Variants in ZDHHC11 observed in about 807,000 individuals in gnomAD.
The protein encoded by ZDHHC11 is zDHHC palmitoyltransferase 11.
A neutral mutation model predicts 51.3 loss-of-function variants in ZDHHC11; 44 were observed. The ratio of observed to expected loss-of-function variants is 0.86; its 90% CI spans 0.67 to 1.10. The LOEUF (loss-of-function observed/expected upper bound fraction) is 1.10, where lower values mean the gene tolerates loss of function less well. ZDHHC11 is among the 50% of genes least tolerant of loss of function. The pLI is 0.00. For synonymous variants in ZDHHC11, 163 were observed against 222.0 expected, an observed-to-expected ratio of 0.73 and a Z score of 2.36; for missense variants, 400 against 537.7, an observed-to-expected ratio of 0.74 and a Z score of 2.53.
At chr5:835,838 A>C (rs1006925428) in intron 6 of ZDHHC11, among the ~76,000 whole-genome samples, 4 of 151,794 alleles carry the variant, frequency 2.6e-5, no homozygotes, top group Non-Finnish European at 5.9e-5. Flanking sequence ...TTCTTTTTTT[A>C]TTAGACTATG....
intron 3 of ZDHHC11, among the ~76,000 whole-genome samples, chr5:844,404 C>T (rs1468499505): frequency 6.6e-6 from 1 of 152,304 alleles, no homozygotes; most frequent in Non-Finnish European, 1.5e-5. Context: ...GCGACTCGCC[C>T]AAGCCTACCA....
intron 1 of ZDHHC11, among the ~76,000 whole-genome samples, chr5:858,354 T>C (rs10071313): frequency 0.081 from 9,194 of 113,174 alleles, 342 homozygotes; most frequent in Admixed American, 0.15. Flanking sequence ...CTGGTCCCCA[T>C]CCTGTCTTTA....
intron 4 of ZDHHC11, chr5:840,940 G>C: frequency 7.2e-7 from 1 of 1,383,226 alleles, no homozygotes; most frequent in Non-Finnish European, 9.4e-7. Flanking sequence ...TGGGGTCACA[G>C]CGCCCACCCC....
intron 7 of ZDHHC11, among the ~76,000 whole-genome samples, chr5:828,446 G>A (rs1204152583): frequency 1.3e-4 from 20 of 150,666 alleles, no homozygotes; most frequent in African/African-American, 4.4e-4. Flanking sequence ...GCGGCCGGCC[G>A]GGTGGGGGCT....
chr5:815,657 C>T (rs942688467), intron 10 of ZDHHC11, among the ~76,000 whole-genome samples: 2 of 150,858 alleles, frequency 1.3e-5, no homozygotes, highest in East Asian at 1.9e-4. Flanking sequence ...TCATAAGTAC[C>T]TACTCAGCAT....
rs1251004316 is a variant in ZDHHC11 at position 796,420 on chromosome 5, T to C, written c.*168A>G. ...GCTGGGCTCTGAGGGTCCTGGTTCCTTCGAAGGACATCCAGGGGCCTCTGA... is the reference window on the plus strand; with the variant it reads ...GCTGGGCTCTGAGGGTCCTGGTTCCCTCGAAGGACATCCAGGGGCCTCTGA... On this transcript the variant is annotated 3_prime_UTR_variant, in exon 13 of 13. Coordinates refer to ENST00000283441, the MANE Select transcript of ZDHHC11 (RefSeq NM_024786.3). 6.7e-6 allele frequency: 1 copy of C among 149,546 alleles called. No homozygotes were observed. The highest frequency in any genetic ancestry group is 1.5e-5 in the Non-Finnish European group (1 of 67,126). 9.3% of individuals were successfully genotyped at this position (149,546 alleles called of 1,614,324 possible).
At chr5:855,221 G>GGC (rs1748008032), upstream of ZDHHC11, among the ~76,000 whole-genome samples, 1 of 146,856 alleles carries the variant, frequency 6.8e-6, no homozygotes, top group African/African-American at 2.6e-5. Flanking sequence ...GAGCAGCGGG[G>GGC]ACAGACCCCA....
chr5:828,275 G>A (rs1358011532), intron 7 of ZDHHC11, among the ~76,000 whole-genome samples: 1 of 151,306 alleles, frequency 6.6e-6, no homozygotes, highest in Non-Finnish European at 1.5e-5. Flanking sequence ...CGGGGTGGTG[G>A]CCGGGCAGAG....
intron 1 of ZDHHC11, among the ~76,000 whole-genome samples, chr5:849,274 G>A (rs150195889): frequency 0.012 from 1,780 of 152,104 alleles, 27 homozygotes; most frequent in African/African-American, 0.031. Context: ...AGAATGTACC[G>A]CACCCCCAGA....
At chr5:817,560 C>T (rs1043950354) in intron 10 of ZDHHC11, among the ~76,000 whole-genome samples, 3 of 151,276 alleles carry the variant, frequency 2.0e-5, no homozygotes, top group African/African-American at 7.3e-5. Context: ...TGCTCTTAAC[C>T]AATTTAAGAG....
At chr5:815,584 G>C (rs1315931729) in intron 10 of ZDHHC11, among the ~76,000 whole-genome samples, 1 of 150,450 alleles carries the variant, frequency 6.6e-6, no homozygotes, top group African/African-American at 2.4e-5. Context: ...ATATTTTTTA[G>C]AGACAGAGTC....
At chr5:856,207 AAC>A (rs1179528013) in intron 1 of ZDHHC11, among the ~76,000 whole-genome samples, 1 of 151,616 alleles carries the variant, frequency 6.6e-6, no homozygotes, top group Non-Finnish European at 1.5e-5. Context: ...CACACCACAC[AAC>A]ACAGACCACA....
rs370247310 is a variant in ZDHHC11, at chr5:797,226, GTA to G, written c.*8-648_*8-647del. On this transcript the variant is annotated intron_variant, in intron 12 of 12. Coordinates refer to ENST00000283441, the MANE Select transcript of ZDHHC11 (RefSeq NM_024786.3). ...TGTCTAAATACATATGTGTGTGTGT[GTA>G]TATATATATATATTCTTTGTTTACG... Among the ~76,000 whole-genome samples, 248 of 125,492 alleles carry G rather than the reference GTA, an allele frequency of 2.0e-3. 1 individual carries two copies. The highest frequency in any genetic ancestry group is 6.0e-3 in the African/African-American group (214 of 35,490). The allele number at this position is 125,492 out of a possible 152,430, so 82.3% of individuals were successfully genotyped here. A position where few individuals can be genotyped will look rare whatever the true frequency, so the allele number is the denominator to read the frequency against.
intron 12 of ZDHHC11, among the ~76,000 whole-genome samples, chr5:799,361 C>G (rs949133169): frequency 1.6e-4 from 24 of 151,404 alleles, no homozygotes; most frequent in Admixed American, 5.3e-4. Context: ...ACATGCAGAG[C>G]TCAATCTTCA....
At chr5:799,219 CA>C (rs1370821878) in intron 12 of ZDHHC11, among the ~76,000 whole-genome samples, 1 of 151,458 alleles carries the variant, frequency 6.6e-6, no homozygotes, top group African/African-American at 2.4e-5. Flanking sequence ...CTAACGAACC[CA>C]TGAGACCTTG....
intron 11 of ZDHHC11, among the ~76,000 whole-genome samples, chr5:801,636 A>G (rs1738436147): frequency 6.6e-6 from 1 of 151,130 alleles, no homozygotes; most frequent in Non-Finnish European, 1.5e-5. Context: ...ATGTTACACT[A>G]CCCCAGCCAG....
At chr5:827,658 G>T (rs1267637399) in intron 7 of ZDHHC11, among the ~76,000 whole-genome samples, 1 of 150,574 alleles carries the variant, frequency 6.6e-6, no homozygotes, top group African/African-American at 2.4e-5. Flanking sequence ...GATGATAAAA[G>T]AATCACTCCA....
Position 843,947 on chromosome 5 carries a change from CA to C in ZDHHC11, c.504-224del, listed in dbSNP as rs1561293115. ...CATCTGAGGCAGGGGCGGGGGCATG[CA>C]GGGCAGGTGGGGGGTGCAGAGGCAG... On this transcript the variant is annotated intron_variant, in intron 3 of 12. Coordinates refer to ENST00000283441, the MANE Select transcript of ZDHHC11 (RefSeq NM_024786.3). Among the ~76,000 whole-genome samples the C allele has an allele frequency of 2.3e-3, 180 of 78,328 alleles. 2 individuals carry two copies. The African/African-American group carries it at 0.026, about 11-fold the overall frequency. 51.4% of individuals were successfully genotyped at this position (78,328 alleles called of 152,430 possible). A position where few individuals can be genotyped will look rare whatever the true frequency, so the allele number is the denominator to read the frequency against.
chr5:814,252 T>C (rs397606), intron 11 of ZDHHC11, among the ~76,000 whole-genome samples: 30,285 of 140,828 alleles, frequency 0.22, 5,608 homozygotes, highest in African/African-American at 0.57. Context: ...TATTTCATCA[T>C]GGGAACAGGG....
Sources: allele counts gnomAD v4.1 joint callset (sites outside exome capture counted in the v4.1 genomes callset), GRCh38; gene constraint gnomAD v4.1.1; transcripts MANE v1.5; gene names NCBI Gene and HGNC (gene_info 2026-07-23, HGNC 2026-07-21).